Variants in HDGFL3 observed in about 807,000 individuals in gnomAD.
HDGFL3 encodes hepatoma-derived growth factor-related protein 3.
HDGFL3 carries 6 observed loss-of-function variants against 27.6 expected under a neutral mutation model. The ratio of observed to expected loss-of-function variants is 0.22; its 90% confidence interval spans 0.12 to 0.43. The LOEUF (loss-of-function observed/expected upper bound fraction) is 0.43, where lower values mean the gene tolerates loss of function less well. Ranked by LOEUF, HDGFL3 falls within the 20% of genes least tolerant of loss-of-function variation. The pLI, the probability that HDGFL3 is intolerant of heterozygous loss-of-function variation, is 1.00. For synonymous variants in HDGFL3, 88 were observed against 88.9 expected (o/e 0.99, Z 0.05); for missense variants, 207 against 250.1 (o/e 0.83, Z 1.16).
chr15:83,157,935 T>A lies in HDGFL3; in HGVS notation c.268A>T (p.Asn90Tyr), dbSNP rs1201662800. The change falls in exon 3 of 6, where the codon AAT becomes TAT. Residue 90 changes from asparagine to tyrosine, a missense_variant. Asn to Tyr is a moderately radical substitution (Grantham distance 143). Transcript: ENST00000299633. ...CCAGTAAACTTTACTCCTGGGTTAT[T>A]TTCTATTTCCCACAATCCTTCGTTA... ...GFNEGLWEIE[N>Y]NPGVKFTGYQ... is the part of the protein sequence containing the mutation. 1 of 1,612,542 alleles carries A rather than the reference T, an allele frequency of 6.2e-7. No individual in the cohort carries two copies. Among genetic ancestry groups the A allele is most frequent in the Non-Finnish European group, 8.5e-7 (1 of 1,179,442 alleles).
At chr15:83,120,974 C>T (rs1049352257) in intron 3 of HDGFL3, among the ~76,000 whole-genome samples, 1 of 152,198 alleles carries the variant, frequency 6.6e-6, no homozygotes, top group African/African-American at 2.4e-5. Context: ...AGGACGCACA[C>T]AGTATTCTCG....
chr15:83,174,693 T>C (rs960109571), intron 1 of HDGFL3, among the ~76,000 whole-genome samples: 3 of 152,206 alleles, frequency 2.0e-5, no homozygotes, highest in African/African-American at 4.8e-5. Context: ...TGTATGTATA[T>C]GGTTATGTGA....
intron 1 of HDGFL3, among the ~76,000 whole-genome samples, chr15:83,202,561 A>C (rs776127733): frequency 2.8e-4 from 43 of 152,152 alleles, no homozygotes; most frequent in Non-Finnish European, 5.1e-4. Flanking sequence ...AGGAAAAAAA[A>C]CAACTCACTG....
chr15:83,168,724 T>C (rs1176950640), intron 1 of HDGFL3, among the ~76,000 whole-genome samples: 5 of 152,194 alleles, frequency 3.3e-5, no homozygotes, highest in African/African-American at 1.2e-4. Context: ...GTACCAATTC[T>C]ATTGAAACTA....
intron 1 of HDGFL3, among the ~76,000 whole-genome samples, chr15:83,191,935 CTTTTTTTTTT>C (rs749998701): frequency 6.0e-4 from 64 of 106,718 alleles, no homozygotes; most frequent in African/African-American, 2.3e-3. Context: ...CTTATCTCTC[CTTTTTTTTTT>C]TTTTTTTTTT....
intron 5 of HDGFL3, among the ~76,000 whole-genome samples, chr15:83,149,061 A>C (rs1035067529): frequency 6.6e-6 from 1 of 152,032 alleles, no homozygotes; most frequent in African/African-American, 2.4e-5. Context: ...TATTTTGTAT[A>C]TAACAAATAT....
At chr15:83,158,447 A>AT (rs2037059458) in intron 2 of HDGFL3, among the ~76,000 whole-genome samples, 2 of 152,230 alleles carry the variant, frequency 1.3e-5, no homozygotes, top group Admixed American at 6.5e-5. Flanking sequence ...AAATGCTAGA[A>AT]TAAAAAAAAG....
chr15:83,136,239 C>T lies in HDGFL3; in HGVS notation c.*3031G>A. The T allele has an allele frequency of 2.8e-6, 1 of 351,354 alleles. No homozygotes were observed. Among genetic ancestry groups the T allele is most frequent in the Non-Finnish European group, 5.1e-6 (1 of 196,474 alleles). 21.8% of individuals were successfully genotyped at this position (351,354 alleles called of 1,614,324 possible). ...ACACAACTGGCATGATAAAACTACA[C>T]TAAATAATATCTACTTTATTTGAAC... On this transcript the variant is annotated 3_prime_UTR_variant, in exon 6 of 6. Transcript: ENST00000299633.
intron 3 of HDGFL3, among the ~76,000 whole-genome samples, chr15:83,118,040 T>C (rs2034838860): frequency 6.6e-6 from 1 of 152,160 alleles, no homozygotes; most frequent in Non-Finnish European, 1.5e-5. Flanking sequence ...GTTTTGACCT[T>C]GGTAAGCCGA....
At chr15:83,124,680 A>G (rs1263904693), downstream of HDGFL3, 2 of 1,613,822 alleles carry the variant, frequency 1.2e-6, no homozygotes, top group African/African-American at 1.3e-5. Flanking sequence ...AGGTTATTCA[A>G]GAAGCCCAAG....
intron 5 of HDGFL3, among the ~76,000 whole-genome samples, chr15:83,146,486 C>T (rs1479627148): frequency 6.6e-6 from 1 of 152,148 alleles, no homozygotes; most frequent in Non-Finnish European, 1.5e-5. Context: ...TTTATATTTC[C>T]AGGTCATACT....
At chr15:83,189,573 TC>T (rs2151419506) in intron 1 of HDGFL3, 1 of 152,342 alleles carries the variant, frequency 6.6e-6, no homozygotes, top group South Asian at 2.1e-4. Flanking sequence ...CTTTGCTTCA[TC>T]TTTTTCCATA....
At chr15:83,118,866 T>C (rs1416095847) in intron 3 of HDGFL3, among the ~76,000 whole-genome samples, 1 of 152,124 alleles carries the variant, frequency 6.6e-6, no homozygotes, top group East Asian at 1.9e-4. Flanking sequence ...AAGGGAAATG[T>C]AGTTCGTCAT....
intron 1 of HDGFL3, among the ~76,000 whole-genome samples, chr15:83,194,537 A>G (rs1013768170): frequency 6.6e-6 from 1 of 152,330 alleles, no homozygotes. Context: ...AATGATTATT[A>G]AGATGGTATA....
exon 4 of HDGFL3, chr15:83,112,845 A>G (rs779502067): frequency 6.2e-6 from 10 of 1,614,112 alleles, no homozygotes; most frequent in Non-Finnish European, 7.6e-6. Context: ...TCCTGGTAGC[A>G]CTGCTGGCTC....
chr15:83,196,628 A>T (rs1187592274), intron 1 of HDGFL3, among the ~76,000 whole-genome samples: 1 of 152,154 alleles, frequency 6.6e-6, no homozygotes, highest in African/African-American at 2.4e-5. Context: ...AAAAAAATTA[A>T]ATAAGACTTT....
chr15:83,203,768 TTCA>T (rs1230657553), intron 1 of HDGFL3, among the ~76,000 whole-genome samples: 1 of 151,728 alleles, frequency 6.6e-6, no homozygotes, highest in Non-Finnish European at 1.5e-5. Context: ...ACATATTGTT[TTCA>T]TCATGTCATC....
At position 83,135,724 on chromosome 15, in the gene HDGFL3, C is replaced by G. The variant is rs976141577; in HGVS notation, c.*3546G>C. On this transcript the variant is annotated 3_prime_UTR_variant, in exon 6 of 6. Coordinates refer to ENST00000299633, the MANE Select transcript of HDGFL3 (RefSeq NM_016073.4). ...AGAGAGGGAGGCCATTTTGCAAATG[C>G]GGATAATGCTGACATGTCGTACTTC... 1.3e-5 allele frequency: 2 copies of G among 152,108 alleles called. No individual in the cohort carries two copies. Among genetic ancestry groups the G allele is most frequent in the African/African-American group, 4.8e-5 (2 of 41,402 alleles). 9.4% of individuals were successfully genotyped at this position (152,108 alleles called of 1,614,324 possible). A position where few individuals can be genotyped will look rare whatever the true frequency, so the allele number is the denominator to read the frequency against.
At chr15:83,169,280 A>G (rs1311997970) in intron 1 of HDGFL3, 1 of 424,978 alleles carries the variant, frequency 2.4e-6, no homozygotes, top group African/African-American at 2.1e-5. Context: ...CAGGCAAGAG[A>G]AAGAATTTCA....
Sources: allele counts gnomAD v4.1 joint callset (sites outside exome capture counted in the v4.1 genomes callset), GRCh38; gene constraint gnomAD v4.1.1; transcripts MANE v1.5; gene names NCBI Gene and HGNC (gene_info 2026-07-23, HGNC 2026-07-21).